ALK: variants seen among roughly 807,000 people sequenced by gnomAD.
The protein encoded by ALK is ALK tyrosine kinase receptor.
In ALK, 74 loss-of-function variants were observed where a neutral mutation model predicts 163.1. The observed-to-expected ratio is 0.45, with a 90% CI of 0.38 to 0.55. ALK has a LOEUF of 0.55. Among genes scored for constraint, ALK ranks in the 20% least tolerant of loss-of-function variants. The pLI, the probability that ALK is intolerant of heterozygous loss-of-function variation, is 0.00. For missense variants in ALK, 2,063 were observed against 2,105.3 expected, an observed-to-expected ratio of 0.98 and a Z score of 0.39; for synonymous variants, 960 against 843.2, an observed-to-expected ratio of 1.14 and a Z score of -2.40.
In ALK at chr2:29,831,174, A is replaced by AGGAAGAGGAAGGGGAAGG. The variant is rs1425629549; in HGVS notation, c.667+88818_667+88819insCCTTCCCCTTCCTCTTCC. Reference sequence around the variant, plus strand: ...GAAGGGGAAGAAGGAGAAGAGGAAGAGGAAGGGGAAGGGGAAGGGGAAGGG... The same window carrying AGGAAGAGGAAGGGGAAGG: ...GAAGGGGAAGAAGGAGAAGAGGAAGAGGAAGAGGAAGGGGAAGGGGAAGGGGAAGGGGAAGGGGAAGGG... On this transcript the variant is annotated intron_variant, in intron 1 of 28. Coordinates refer to ENST00000389048, the MANE Select transcript of ALK (RefSeq NM_004304.5). 7.0e-3 allele frequency among the ~76,000 whole-genome samples: 205 copies of AGGAAGAGGAAGGGGAAGG among 29,264 alleles called. 34 individuals are homozygous for AGGAAGAGGAAGGGGAAGG. Among genetic ancestry groups the AGGAAGAGGAAGGGGAAGG allele is most frequent in the South Asian group, 0.026 (6 of 230 alleles). The allele number at this position is 29,264 out of a possible 152,430, so 19.2% of individuals were successfully genotyped here.
chr2:29,460,843 A>G (rs971231659), intron 4 of ALK, among the ~76,000 whole-genome samples: 3 of 152,162 alleles, frequency 2.0e-5, no homozygotes, highest in African/African-American at 7.2e-5. Context: ...TTAAATCAAA[A>G]GTTGGAAATG....
intron 9 of ALK, among the ~76,000 whole-genome samples, chr2:29,295,915 C>A (rs13402984): frequency 0.11 from 17,430 of 152,196 alleles, 1,032 homozygotes; most frequent in African/African-American, 0.14. Context: ...GAAATGGCCC[C>A]TCGCCCCTCT....
chr2:29,619,983 A>T (rs1024414365), intron 3 of ALK, among the ~76,000 whole-genome samples: 1 of 152,210 alleles, frequency 6.6e-6, no homozygotes, highest in African/African-American at 2.4e-5. Flanking sequence ...AGGGAGAGTG[A>T]AGAAAAGCAG....
chr2:29,719,484 G>C (rs970105578), intron 1 of ALK, among the ~76,000 whole-genome samples: 1 of 152,184 alleles, frequency 6.6e-6, no homozygotes, highest in Non-Finnish European at 1.5e-5. Context: ...AAGCCACGTA[G>C]GGTTACTTTG....
chr2:29,293,165 G>T (rs1666084167), intron 9 of ALK, among the ~76,000 whole-genome samples: 1 of 152,180 alleles, frequency 6.6e-6, no homozygotes, highest in Admixed American at 6.5e-5. Flanking sequence ...AGAACACTTT[G>T]CAGTAGTATT....
intron 1 of ALK, among the ~76,000 whole-genome samples, chr2:29,782,378 T>C (rs1181755530): frequency 2.0e-5 from 3 of 152,156 alleles, no homozygotes; most frequent in Non-Finnish European, 4.4e-5. Context: ...GTCCCCAAGC[T>C]GGTCAGCCCA....
chr2:29,391,007 T>A (rs1669154940), intron 4 of ALK, among the ~76,000 whole-genome samples: 2 of 151,986 alleles, frequency 1.3e-5, no homozygotes, highest in Admixed American at 1.3e-4. Context: ...TGGCCCAGCG[T>A]GGAGAAGAGC....
rs369778368 is a variant in ALK at position 29,463,024 on chromosome 2, CA to C, written c.1154+68890del. Among the ~76,000 whole-genome samples the C allele has an allele frequency of 1.8e-4, 27 of 152,256 alleles. No homozygotes were observed. The East Asian group carries it at 5.0e-3, about 28-fold the overall frequency. ...AATAAATATATAGAACATATTACAG[CA>C]CATTTGGGCTGATTGTATAATCAAA... On this transcript the variant is annotated intron_variant, in intron 4 of 28. Transcript: ENST00000389048.
intron 3 of ALK, among the ~76,000 whole-genome samples, chr2:29,543,183 G>A (rs529118286): frequency 6.6e-6 from 1 of 152,246 alleles, no homozygotes; most frequent in South Asian, 2.1e-4. Context: ...GAGCTCCTGG[G>A]GAGAGGTGGC....
intron 23 of ALK, among the ~76,000 whole-genome samples, chr2:29,214,653 C>G (rs1034055593): frequency 6.6e-6 from 1 of 152,222 alleles, no homozygotes. Context: ...CGCATGAGGT[C>G]TCTTTCATTC....
At chr2:29,647,981 A>G (rs1480179360) in intron 3 of ALK, among the ~76,000 whole-genome samples, 1 of 152,124 alleles carries the variant, frequency 6.6e-6, no homozygotes, top group Non-Finnish European at 1.5e-5. Context: ...TTTGGATGAC[A>G]AAGTTATCAT....
chr2:29,804,037 T>C lies in ALK; in HGVS notation c.668-86340A>G, dbSNP rs762205952. On this transcript the variant is annotated intron_variant, in intron 1 of 28. Coordinates refer to ENST00000389048, the MANE Select transcript of ALK (RefSeq NM_004304.5). ...AATGAGAAAGACCAAGTCAATTGTT[T>C]TTCAAGACAATTAGGCAATACTCAG... is the stretch of plus-strand genomic sequence containing the variant. 1.1e-4 allele frequency among the ~76,000 whole-genome samples: 16 copies of C among 152,358 alleles called. No individual in the cohort carries two copies. The South Asian group carries it at 1.2e-3, about 12-fold the overall frequency.
At chr2:29,825,715 T>G (rs78548994) in intron 1 of ALK, among the ~76,000 whole-genome samples, 1,769 of 57,500 alleles carry the variant, frequency 0.031, 43 homozygotes, top group African/African-American at 0.059. Context: ...TTTTGTGTGT[T>G]TTTTTTTTTA....
chr2:29,611,246 C>T (rs1222792360), intron 3 of ALK, among the ~76,000 whole-genome samples: 1 of 152,112 alleles, frequency 6.6e-6, no homozygotes, highest in Non-Finnish European at 1.5e-5. Context: ...TGGTGTGGGA[C>T]AGCACAAAGG....
At chr2:29,289,178 C>T (rs1339562019) in intron 9 of ALK, among the ~76,000 whole-genome samples, 1 of 152,050 alleles carries the variant, frequency 6.6e-6, no homozygotes, top group Admixed American at 6.5e-5. Context: ...AATGCCATCC[C>T]TCTTCTCCTG....
At chr2:29,292,198 C>G (rs539773949) in intron 9 of ALK, among the ~76,000 whole-genome samples, 12 of 152,186 alleles carry the variant, frequency 7.9e-5, no homozygotes, top group Non-Finnish European at 1.3e-4. Flanking sequence ...GGAGCCTGCA[C>G]AGGTGTGATA....
rs2148180596 is a variant in ALK at position 29,228,974 on chromosome 2, C to T, written c.2725G>A (p.Ala909Thr). 2 of 1,334,340 alleles carry T rather than the reference C, an allele frequency of 1.5e-6. No homozygotes were observed. Among genetic ancestry groups the T allele is most frequent in the Non-Finnish European group, 1.0e-6 (1 of 995,508 alleles). 82.7% of individuals were successfully genotyped at this position (1,334,340 alleles called of 1,614,324 possible). Reference protein sequence around the residue: ...GATGGHSCPQAMKKWGWETRG... With the variant: ...GATGGHSCPQTMKKWGWETRG... ...GTCTCCCACCCCCACTTCTTCATGG[C>T]CTGGGGGCAGGAATGTCCTCCGGTG... The change falls in exon 16 of 29, where the codon GCC becomes ACC. Residue 909 changes from alanine to threonine, a missense_variant. Physicochemically the swap from Ala to Thr is moderately conservative, Grantham distance 58 (BLOSUM62 0). This residue lies in a region of ALK where 575 missense variants were observed against 626.6 expected (regional missense o/e 0.92). Coordinates refer to ENST00000389048, the MANE Select transcript of ALK (RefSeq NM_004304.5).
chr2:29,878,079 T>C (rs1211109132), intron 1 of ALK, among the ~76,000 whole-genome samples: 1 of 152,236 alleles, frequency 6.6e-6, no homozygotes, highest in East Asian at 1.9e-4. Context: ...GAATGGCTTT[T>C]CATCCATTGT....
chr2:29,338,600 G>C (rs1667696404), intron 5 of ALK, among the ~76,000 whole-genome samples: 2 of 152,192 alleles, frequency 1.3e-5, no homozygotes, highest in African/African-American at 4.8e-5. Context: ...CTGGGGTGCT[G>C]ATGCATACCT....
Sources: allele counts gnomAD v4.1 joint callset (sites outside exome capture counted in the v4.1 genomes callset), GRCh38; gene constraint gnomAD v4.1.1; regional missense constraint gnomAD v4.1.1; transcripts MANE v1.5; gene names NCBI Gene and HGNC (gene_info 2026-07-23, HGNC 2026-07-21).